The following GREB1L variants were observed in gnomAD, a reference collection of about 807,000 sequenced individuals.
GREB1L encodes the protein GREB1 like retinoic acid receptor coactivator, also known as GREB1-like protein.
In GREB1L, 17 loss-of-function variants were observed where a neutral mutation model predicts 200.8. The ratio of observed to expected loss-of-function variants is 0.08; its 90% CI spans 0.06 to 0.13. The LOEUF (loss-of-function observed/expected upper bound fraction) is 0.13. GREB1L is among the 10% of genes least tolerant of loss of function. GREB1L has a pLI of 1.00. For synonymous variants in GREB1L, 789 were observed against 893.0 expected, an observed-to-expected ratio of 0.88 and a Z score of 2.08; for missense variants, 1,657 against 2,367.7, an observed-to-expected ratio of 0.70 and a Z score of 6.23.
chr18:21,350,162 T>G (rs1267473275), intron 1 of GREB1L, among the ~76,000 whole-genome samples: 1 of 152,100 alleles, frequency 6.6e-6, no homozygotes, highest in Non-Finnish European at 1.5e-5. Flanking sequence ...AGCACAGTTC[T>G]CAGTAGTTTC....
At chr18:21,339,525 A>G (rs1390688576) in intron 1 of GREB1L, among the ~76,000 whole-genome samples, 1 of 152,214 alleles carries the variant, frequency 6.6e-6, no homozygotes, top group African/African-American at 2.4e-5. Flanking sequence ...AAAGCATATG[A>G]TAGATTTTAA....
At chr18:21,283,054 A>T (rs956561833) in intron 1 of GREB1L, among the ~76,000 whole-genome samples, 3 of 152,106 alleles carry the variant, frequency 2.0e-5, no homozygotes, top group Non-Finnish European at 4.4e-5. Context: ...TAGCTTTTTC[A>T]TCCTTTTTTG....
rs1251383048 is a variant in GREB1L at position 21,525,193 on chromosome 18, T to C, written c.*2372T>C. 1 of 152,010 alleles carries C rather than the reference T, an allele frequency of 6.6e-6. No homozygotes were observed. The highest frequency in any genetic ancestry group is 1.5e-5 in the Non-Finnish European group (1 of 67,992). 9.4% of individuals were successfully genotyped at this position (152,010 alleles called of 1,614,324 possible). A position where few individuals can be genotyped will look rare whatever the true frequency, so the allele number is the denominator to read the frequency against. On this transcript the variant is annotated 3_prime_UTR_variant, in exon 33 of 33. Coordinates refer to ENST00000424526, the MANE Select transcript of GREB1L (RefSeq NM_001142966.3). ...ATGTAAACGAAAAACTAGAAGACAA[T>C]TGTTATAATTTTTTTTGGCTGTAAT...
chr18:21,390,720 A>G (rs940579977), intron 4 of GREB1L, among the ~76,000 whole-genome samples: 1 of 152,070 alleles, frequency 6.6e-6, no homozygotes, highest in Non-Finnish European at 1.5e-5. Flanking sequence ...TATTTTTAGT[A>G]GAGATGGGGT....
chr18:21,412,332 G>C (rs1221718382), intron 7 of GREB1L, among the ~76,000 whole-genome samples: 1 of 152,064 alleles, frequency 6.6e-6, no homozygotes. Flanking sequence ...AGGATCTCTT[G>C]AGCCTGGGAG....
intron 15 of GREB1L, among the ~76,000 whole-genome samples, chr18:21,457,386 CAATCACT>C (rs2034817153): frequency 6.6e-6 from 1 of 152,110 alleles, no homozygotes; most frequent in Non-Finnish European, 1.5e-5. Flanking sequence ...GCTGCAAAAA[CAATCACT>C]TCTGTATATT....
At chr18:21,456,846 GT>G (rs1201896999) in intron 15 of GREB1L, among the ~76,000 whole-genome samples, 2 of 152,140 alleles carry the variant, frequency 1.3e-5, no homozygotes, top group Admixed American at 1.3e-4. Context: ...GGAGTGGGTT[GT>G]TGTCGGTCAC....
intron 15 of GREB1L, among the ~76,000 whole-genome samples, chr18:21,464,563 AGT>A (rs1432758193): frequency 6.9e-6 from 1 of 145,906 alleles, no homozygotes; most frequent in African/African-American, 2.6e-5. Flanking sequence ...AAAAAAAAAA[AGT>A]CAGGGAACAA....
chr18:21,424,861 T>C (rs2032436585), intron 7 of GREB1L, among the ~76,000 whole-genome samples: 1 of 152,212 alleles, frequency 6.6e-6, no homozygotes, highest in Non-Finnish European at 1.5e-5. Context: ...ATCTGTTTTC[T>C]ATTTCTATGT....
At position 21,512,639 on chromosome 18, in the gene GREB1L, TTTTA is replaced by T. The variant is rs572148045; in HGVS notation, c.4736-1170_4736-1167del. Among the ~76,000 whole-genome samples the T allele has an allele frequency of 7.1e-4, 108 of 152,140 alleles. 1 individual carries two copies. Among genetic ancestry groups the T allele is most frequent in the East Asian group, 1.7e-3 (9 of 5,182 alleles). On this transcript the variant is annotated intron_variant, in intron 27 of 32. Transcript: ENST00000424526. The stretch of plus-strand genomic sequence containing the variant: ...TTTACTTCCTTCCTCTTTGGTTGCC[TTTTA>T]TTTATTTATTTTTTCCTTAATTTCT...
intron 5 of GREB1L, among the ~76,000 whole-genome samples, chr18:21,400,631 C>CTG (rs2041278713): frequency 6.6e-6 from 1 of 152,164 alleles, no homozygotes; most frequent in Non-Finnish European, 1.5e-5. Flanking sequence ...TACCACCTGC[C>CTG]TGACTTTTTG....
intron 15 of GREB1L, among the ~76,000 whole-genome samples, chr18:21,460,570 C>A (rs1037041789): frequency 6.6e-6 from 1 of 151,870 alleles, no homozygotes; most frequent in African/African-American, 2.4e-5. Flanking sequence ...GAACTTCTGA[C>A]CTCAGGTGAT....
At chr18:21,411,222 T>C (rs1199542370) in intron 7 of GREB1L, among the ~76,000 whole-genome samples, 1 of 151,830 alleles carries the variant, frequency 6.6e-6, no homozygotes, top group Non-Finnish European at 1.5e-5. Context: ...TTTTTTTTTT[T>C]TTGAGACAGA....
At chr18:21,449,290 C>G (rs1026431527) in intron 11 of GREB1L, among the ~76,000 whole-genome samples, 1 of 152,078 alleles carries the variant, frequency 6.6e-6, no homozygotes, top group South Asian at 2.1e-4. Context: ...AAAACAGAAG[C>G]CTGATTTTTT....
chr18:21,508,605 C>A lies in GREB1L; in HGVS notation c.4735+14C>A. On this transcript the variant is annotated intron_variant, in intron 27 of 32. Coordinates refer to ENST00000424526, the MANE Select transcript of GREB1L (RefSeq NM_001142966.3). Reference sequence around the variant, plus strand: ...ATGCAGGCGTGGGTAAGGGGCCCCCCTGGGATGGGGAGAAGGGCTTCGAAG... The same window carrying A: ...ATGCAGGCGTGGGTAAGGGGCCCCCATGGGATGGGGAGAAGGGCTTCGAAG... The A allele has an allele frequency of 1.3e-6, 2 of 1,549,780 alleles. No individual in the cohort carries two copies. Among genetic ancestry groups the A allele is most frequent in the Non-Finnish European group, 1.7e-6 (2 of 1,146,024 alleles).
chr18:21,342,923 T>TTATTATTGAA (rs2039289368), intron 1 of GREB1L, among the ~76,000 whole-genome samples: 2 of 152,276 alleles, frequency 1.3e-5, no homozygotes, highest in Middle Eastern at 3.4e-3. Context: ...CTAGAATTGT[T>TTATTATTGAA]TATTATTGAA....
chr18:21,412,246 C>CAA (rs61626271), intron 7 of GREB1L, among the ~76,000 whole-genome samples: 30 of 147,470 alleles, frequency 2.0e-4, no homozygotes, highest in African/African-American at 6.0e-4. Context: ...ACAAAAAATA[C>CAA]AAAAAAAAAA....
intron 1 of GREB1L, among the ~76,000 whole-genome samples, chr18:21,303,393 G>A (rs993672993): frequency 2.0e-5 from 3 of 152,076 alleles, no homozygotes; most frequent in Non-Finnish European, 4.4e-5. Flanking sequence ...TTGTTCTTTT[G>A]TTTTTTAAAA....
At chr18:21,343,461 T>C (rs1235641821) in intron 1 of GREB1L, among the ~76,000 whole-genome samples, 1 of 152,222 alleles carries the variant, frequency 6.6e-6, no homozygotes, top group Admixed American at 6.5e-5. Context: ...ACAGTGGTTC[T>C]CAGGTATGGT....
Sources: gnomAD v4.1 joint callset for allele counts (sites outside exome capture counted in the v4.1 genomes callset) on GRCh38, gnomAD v4.1.1 for gene constraint, MANE v1.5 for transcripts, NCBI Gene and HGNC (gene_info 2026-07-23, HGNC 2026-07-21) for gene names.